KIAA0319L: variants seen among roughly 807,000 people sequenced by gnomAD.
KIAA0319L encodes the protein dyslexia-associated protein KIAA0319-like protein.
KIAA0319L carries 55 observed loss-of-function variants against 120.1 expected under a neutral mutation model. The observed-to-expected ratio is 0.46, with a 90% CI of 0.37 to 0.57. KIAA0319L has a LOEUF of 0.57. Ranked by LOEUF, KIAA0319L falls within the 20% of genes least tolerant of loss-of-function variation. The pLI is 0.00. For missense variants in KIAA0319L, 1,049 were observed against 1,255.3 expected (o/e 0.84, Z 2.48); for synonymous variants, 398 against 471.9 (o/e 0.84, Z 2.03).
chr1:35,533,599 T>C (rs1646457678), intron 2 of KIAA0319L, among the ~76,000 whole-genome samples: 1 of 152,234 alleles, frequency 6.6e-6, no homozygotes, highest in South Asian at 2.1e-4. Context: ...TACCTATAAA[T>C]GAACTATTAT....
At chr1:35,476,036 C>G (rs1000234945) in intron 4 of KIAA0319L, among the ~76,000 whole-genome samples, 3 of 152,206 alleles carry the variant, frequency 2.0e-5, no homozygotes, top group Non-Finnish European at 2.9e-5. Flanking sequence ...AGAAATCTTC[C>G]CAGACCATTT....
chr1:35,507,226 T>C, intron 2 of KIAA0319L, 91 bp from the exon 3 acceptor site: 1 of 1,305,736 alleles, frequency 7.7e-7, no homozygotes, highest in Non-Finnish European at 1.0e-6. Context: ...TTTGAGGTTA[T>C]TTTGAAGACG....
intron 3 of KIAA0319L, among the ~76,000 whole-genome samples, chr1:35,480,986 A>T (rs1416484182): frequency 6.6e-6 from 1 of 152,146 alleles, no homozygotes; most frequent in Non-Finnish European, 1.5e-5. Flanking sequence ...GAAACCACTG[A>T]TTTGTTTGCT....
At chr1:35,446,085 G>A (rs1162128000) in intron 16 of KIAA0319L, among the ~76,000 whole-genome samples, 1 of 152,078 alleles carries the variant, frequency 6.6e-6, no homozygotes, top group Non-Finnish European at 1.5e-5. Context: ...AAATTCACCT[G>A]GGGAGCTTTT....
At chr1:35,529,261 T>C (rs1025129782) in intron 2 of KIAA0319L, among the ~76,000 whole-genome samples, 3 of 152,250 alleles carry the variant, frequency 2.0e-5, no homozygotes, top group African/African-American at 7.2e-5. Context: ...TTATTATTGA[T>C]ATGTGAGAAC....
chr1:35,435,197 C>T lies in KIAA0319L; in HGVS notation c.2963-116G>A, dbSNP rs552909268. On this transcript the variant is annotated intron_variant, in intron 20 of 20. Coordinates refer to ENST00000325722, the MANE Select transcript of KIAA0319L (RefSeq NM_024874.5). The stretch of plus-strand genomic sequence containing the variant: ...ACAGGGCAAGTCACAGGCTCCTCTC[C>T]AGGCTGGGAGGTGCAGATGGGAAGG... 1.6e-5 allele frequency: 15 copies of T among 928,236 alleles called. No individual in the cohort carries two copies. In the South Asian group the frequency reaches 2.0e-4, roughly 12 times the overall value. 57.5% of individuals were successfully genotyped at this position (928,236 alleles called of 1,614,324 possible). A position where few individuals can be genotyped will look rare whatever the true frequency, so the allele number is the denominator to read the frequency against.
intron 9 of KIAA0319L, among the ~76,000 whole-genome samples, chr1:35,459,283 T>G (rs1642716278): frequency 6.6e-6 from 1 of 152,008 alleles, no homozygotes; most frequent in Non-Finnish European, 1.5e-5. Flanking sequence ...AGGAGTGAAG[T>G]GGAATGAACC....
At chr1:35,447,658 A>G (rs1179685276) in intron 16 of KIAA0319L, among the ~76,000 whole-genome samples, 2 of 151,278 alleles carry the variant, frequency 1.3e-5, no homozygotes, top group Non-Finnish European at 2.9e-5. Context: ...TGCAGCCTCA[A>G]ACCCCTGGGC....
At chr1:35,499,610 C>T (rs575842620) in intron 3 of KIAA0319L, among the ~76,000 whole-genome samples, 10 of 151,732 alleles carry the variant, frequency 6.6e-5, no homozygotes, top group South Asian at 2.1e-4. Flanking sequence ...AGCCAATAAA[C>T]GCAATTTCAA....
intron 5 of KIAA0319L, among the ~76,000 whole-genome samples, chr1:35,473,860 C>T (rs1643788066): frequency 6.6e-6 from 1 of 152,202 alleles, no homozygotes; most frequent in South Asian, 2.1e-4. Context: ...TTAATGATAA[C>T]ATAAACCCAA....
intron 13 of KIAA0319L, among the ~76,000 whole-genome samples, chr1:35,451,087 C>T (rs1558301508): frequency 6.6e-6 from 1 of 152,148 alleles, no homozygotes; most frequent in Non-Finnish European, 1.5e-5. Context: ...GTTTTTCCTG[C>T]TATCAACTTA....
At chr1:35,504,231 C>G (rs1202525547) in intron 3 of KIAA0319L, among the ~76,000 whole-genome samples, 6 of 145,614 alleles carry the variant, frequency 4.1e-5, no homozygotes, top group Admixed American at 6.8e-5. Flanking sequence ...GAGTCTTACT[C>G]TGTTGCCCAG....
At chr1:35,552,903 C>T (rs1394760368) in intron 2 of KIAA0319L, among the ~76,000 whole-genome samples, 3 of 152,056 alleles carry the variant, frequency 2.0e-5, no homozygotes, top group Non-Finnish European at 4.4e-5. Context: ...AAAACTCTAC[C>T]TCTACTAAAA....
In KIAA0319L at chr1:35,453,640, G is replaced by C. The variant is rs763734422; in HGVS notation, c.1830C>G (p.Thr610=). The C allele has an allele frequency of 6.2e-7, 1 of 1,613,882 alleles. No homozygotes were observed. Among genetic ancestry groups the C allele is most frequent in the South Asian group, 1.1e-5 (1 of 91,068 alleles). Residue 610 remains threonine, a synonymous_variant, in exon 12 of 21, where the codon ACC becomes ACG. Transcript: ENST00000325722. This position sits in a 1 kb window ranked among gnomAD's most constrained non-coding sequence, Gnocchi z 4.1. ...QADAGPDKEL[T]LPVDSTTLDG... ...CCAGGGTTGTGCTATCCACAGGAAG[G>C]GTCAGCTCTTTATCTGGGCCTGCAT... is the stretch of plus-strand genomic sequence containing the variant.
rs143992851 is a variant in KIAA0319L, at chr1:35,479,004, G to A, written c.875C>T (p.Pro292Leu). ...APSYSYATPTPQASFQSTSAP... is the reference protein window; with the variant it reads ...APSYSYATPTLQASFQSTSAP... Reference sequence around the variant, plus strand: ...TGAGGTGCTCTGGAAAGAGGCCTGGGGGGTAGGGGTAGCATAACTGTAGGA... The same window carrying A: ...TGAGGTGCTCTGGAAAGAGGCCTGGAGGGTAGGGGTAGCATAACTGTAGGA... The change falls in exon 4 of 21, where the codon CCC (proline) becomes CTC (leucine). Residue 292 changes from proline to leucine, a missense_variant. Pro to Leu is a moderately conservative substitution (Grantham distance 98). Coordinates refer to ENST00000325722, the MANE Select transcript of KIAA0319L (RefSeq NM_024874.5). 10 of 1,614,014 alleles carry A rather than the reference G, an allele frequency of 6.2e-6. No homozygotes were observed. The highest frequency in any genetic ancestry group is 3.3e-5 in the Admixed American group (2 of 59,998).
intron 3 of KIAA0319L, among the ~76,000 whole-genome samples, chr1:35,503,058 C>G (rs138939069): frequency 6.6e-6 from 1 of 152,124 alleles, no homozygotes; most frequent in Non-Finnish European, 1.5e-5. Context: ...CATCTTCTAT[C>G]CTTCACGATG....
intron 2 of KIAA0319L, among the ~76,000 whole-genome samples, chr1:35,547,859 C>T (rs980851762): frequency 4.6e-5 from 7 of 152,140 alleles, no homozygotes; most frequent in South Asian, 2.1e-4. Flanking sequence ...CAGTGGCTCA[C>T]GCCTGTAATC....
intron 3 of KIAA0319L, among the ~76,000 whole-genome samples, chr1:35,479,780 G>A (rs1023999490): frequency 5.9e-5 from 9 of 152,008 alleles, no homozygotes; most frequent in African/African-American, 2.2e-4. Context: ...GGCCATGCCT[G>A]TGGTCCCAGC....
At position 35,434,913 on chromosome 1, in the gene KIAA0319L, G is replaced by A. The variant is rs779108241; in HGVS notation, c.3131C>T (p.Pro1044Leu). ...NGQTPLKARS[P>L]REEIL ...AGGTGGCTACAGGATCTCCTCCCGC[G>A]GGCTCCTGGCCTTCAGAGGGGTCTG... The change falls in exon 21 of 21, where the codon CCG becomes CTG. Residue 1044 changes from proline to leucine, a missense_variant. Physicochemically the swap from Pro to Leu is moderately conservative, Grantham distance 98. Transcript: ENST00000325722. The A allele has an allele frequency of 3.8e-5, 62 of 1,612,768 alleles. No homozygotes were observed. The Admixed American group carries it at 4.8e-4, about 13-fold the overall frequency.
Sources: gnomAD v4.1 joint callset for allele counts (sites outside exome capture counted in the v4.1 genomes callset) on GRCh38, gnomAD v4.1.1 for gene constraint, Gnocchi (gnomAD v3.1) non-coding constraint, MANE v1.5 for transcripts, NCBI Gene and HGNC (gene_info 2026-07-23, HGNC 2026-07-21) for gene names.